VPS35: variants seen among roughly 807,000 people sequenced by gnomAD.
VPS35 encodes the protein vacuolar protein sorting-associated protein 35.
In VPS35, 21 loss-of-function variants were observed where a neutral mutation model predicts 98.1. That is an observed-to-expected ratio of 0.21 (90% CI 0.15 to 0.31). VPS35 has a LOEUF of 0.31. Ranked by LOEUF, VPS35 falls within the 10% of genes least tolerant of loss-of-function variation. VPS35 has a pLI of 1.00. For missense variants in VPS35, 554 were observed against 950.8 expected, an observed-to-expected ratio of 0.58 and a Z score of 5.49; for synonymous variants, 268 against 318.2, an observed-to-expected ratio of 0.84 and a Z score of 1.68.
chr16:46,672,610 G>C (rs1318003337), intron 10 of VPS35, 138 bp from the exon 11 acceptor site: 1 of 695,130 alleles, frequency 1.4e-6, no homozygotes, highest in Non-Finnish European at 2.5e-6. Context: ...CACCACAGAA[G>C]ACTATAACAA....
chr16:46,670,753 T>A (rs936069594), intron 12 of VPS35, among the ~76,000 whole-genome samples: 1 of 152,168 alleles, frequency 6.6e-6, no homozygotes, highest in South Asian at 2.1e-4. Flanking sequence ...CCTGGAATGT[T>A]TGTCACTAAA....
intron 13 of VPS35, among the ~76,000 whole-genome samples, chr16:46,665,628 C>T (rs540060715): frequency 5.3e-5 from 8 of 151,282 alleles, no homozygotes; most frequent in Middle Eastern, 3.5e-3. Flanking sequence ...AGTCATAGAC[C>T]TTGGCACAGT....
intron 16 of VPS35, chr16:46,660,964 T>C: frequency 2.5e-6 from 1 of 400,334 alleles, no homozygotes; most frequent in South Asian, 1.9e-5. Flanking sequence ...CTGGCCAACA[T>C]GGTGGAACCC....
rs984415033 is a variant in VPS35, at chr16:46,661,136, C to T, written c.2212-485G>A. ...CTCCAGCCTGGGTGACAGAGCCAGACTCTGTCAAAAAAAGAAAAACAAGCA... is the reference window on the plus strand; with the variant it reads ...CTCCAGCCTGGGTGACAGAGCCAGATTCTGTCAAAAAAAGAAAAACAAGCA... On this transcript the variant is annotated intron_variant, in intron 16 of 16. Transcript: ENST00000299138. The surrounding 1 kb of genome is among the most constrained non-coding windows in gnomAD (Gnocchi z 4.3). Among the ~76,000 whole-genome samples the T allele has an allele frequency of 1.3e-5, 2 of 152,098 alleles. No individual in the cohort carries two copies. Among genetic ancestry groups the T allele is most frequent in the East Asian group, 1.9e-4 (1 of 5,168 alleles).
chr16:46,684,056 CAG>C (rs779746784), intron 1 of VPS35, among the ~76,000 whole-genome samples: 230 of 152,292 alleles, frequency 1.5e-3, no homozygotes, highest in Non-Finnish European at 2.6e-3. Context: ...CTGCTGCACA[CAG>C]AGTCATGCCT....
intron 13 of VPS35, among the ~76,000 whole-genome samples, chr16:46,664,806 C>T (rs1209903511): frequency 6.6e-6 from 1 of 152,350 alleles, no homozygotes; most frequent in African/African-American, 2.4e-5. Flanking sequence ...CAGGCGTGAG[C>T]CACTGCACCC....
intron 2 of VPS35, 174 bp downstream of exon 2, chr16:46,683,334 G>A: frequency 1.5e-6 from 1 of 659,148 alleles, no homozygotes; most frequent in South Asian, 1.7e-5. Context: ...TGAGTAAACA[G>A]GGCTCTTTGT....
Position 46,658,787 on chromosome 16 carries a change from G to A in VPS35, c.*1685C>T, listed in dbSNP as rs11647138. The A allele has an allele frequency of 3.3e-5, 5 of 152,172 alleles. No homozygotes were observed. The highest frequency in any genetic ancestry group is 7.3e-5 in the Non-Finnish European group (5 of 68,036). The allele number at this position is 152,172 out of a possible 1,614,324, so 9.4% of individuals were successfully genotyped here. ...TTAGTGGTACTAATTTTATAACTTT[G>A]GGAAACATCTGTTCATGTAAAGCCC... On this transcript the variant is annotated 3_prime_UTR_variant, in exon 17 of 17. Transcript: ENST00000299138.
rs573618693 is a variant in VPS35 at position 46,661,844 on chromosome 16, C to T, written c.2085G>A (p.Arg695=). ...KNGEELHGGK[R]VMECLKKALK... is the part of the protein sequence containing the mutation. ...GAGCTTTTTTTAGGCACTCCATTACCCTCTTGCCTCCGTGAAGCTAAAATA... is the reference window on the plus strand; with the variant it reads ...GAGCTTTTTTTAGGCACTCCATTACTCTCTTGCCTCCGTGAAGCTAAAATA... Residue 695 remains arginine, a synonymous_variant, in exon 16 of 17, where the codon AGG becomes AGA. Coordinates refer to ENST00000299138, the MANE Select transcript of VPS35 (RefSeq NM_018206.6). This position sits in a 1 kb window ranked among gnomAD's most constrained non-coding sequence, Gnocchi z 4.3. The T allele has an allele frequency of 1.2e-5, 20 of 1,614,118 alleles. No homozygotes were observed. The South Asian group carries it at 2.1e-4, about 17-fold the overall frequency.
intron 13 of VPS35, among the ~76,000 whole-genome samples, chr16:46,665,440 T>C (rs1965973757): frequency 6.6e-6 from 1 of 151,924 alleles, no homozygotes; most frequent in South Asian, 2.1e-4. Flanking sequence ...CTACAAAAAA[T>C]AAAAAATTAG....
chr16:46,688,051 C>A (rs1438820391), intron 1 of VPS35, among the ~76,000 whole-genome samples: 1 of 152,184 alleles, frequency 6.6e-6, no homozygotes, highest in Non-Finnish European at 1.5e-5. Flanking sequence ...TGTATCAATT[C>A]CCAATTATAA....
In VPS35 at chr16:46,659,941, T is replaced by G. The variant is rs1290942511; in HGVS notation, c.*531A>C. The G allele has an allele frequency of 2.0e-5, 3 of 152,842 alleles. No individual in the cohort carries two copies. Among genetic ancestry groups the G allele is most frequent in the Non-Finnish European group, 4.4e-5 (3 of 68,550 alleles). The allele number at this position is 152,842 out of a possible 1,614,324, so 9.5% of individuals were successfully genotyped here. ...AAATTCTCAAACATGCATTAATATA[T>G]TCTAGTTTTAGGGAAAATCTTACAC... On this transcript the variant is annotated 3_prime_UTR_variant, in exon 17 of 17. Transcript: ENST00000299138.
chr16:46,687,707 G>T (rs1262640918), intron 1 of VPS35, among the ~76,000 whole-genome samples: 1 of 152,208 alleles, frequency 6.6e-6, no homozygotes, highest in African/African-American at 2.4e-5. Context: ...TTGATGAATT[G>T]AAGTGGATTC....
intron 15 of VPS35, 30 bp downstream of exon 15, chr16:46,662,213 C>T (rs776495649): frequency 6.2e-7 from 1 of 1,614,014 alleles, no homozygotes. Flanking sequence ...TGGATCCTGT[C>T]TGCTATCATG....
chr16:46,662,631 G>T, intron 14 of VPS35, 149 bp from the exon 15 acceptor site: 1 of 1,299,024 alleles, frequency 7.7e-7, no homozygotes, highest in Non-Finnish European at 1.1e-6. Context: ...AGAGCCACAG[G>T]ACACAACTGA....
intron 1 of VPS35, 50 bp downstream of exon 1, chr16:46,689,081 G>C (rs765926512): frequency 3.1e-6 from 5 of 1,597,682 alleles, no homozygotes; most frequent in East Asian, 2.3e-5. Flanking sequence ...GGAGAGAGCA[G>C]GGGCTACAAG....
In VPS35 at chr16:46,666,547, C is replaced by T. The variant is rs1293184104; in HGVS notation, c.1647+2383G>A. ...CCTCCCAAAGTGCTGCGATTACAGG[C>T]GTGAGCCCCCACACCTGGCCTTTTT... On this transcript the variant is annotated intron_variant, in intron 13 of 16. Transcript: ENST00000299138. 3.9e-5 allele frequency among the ~76,000 whole-genome samples: 6 copies of T among 152,134 alleles called. No individual in the cohort carries two copies. The East Asian group carries it at 1.2e-3, about 30-fold the overall frequency.
chr16:46,686,899 A>G (rs1461001858), intron 1 of VPS35, among the ~76,000 whole-genome samples: 2 of 152,198 alleles, frequency 1.3e-5, no homozygotes, highest in Non-Finnish European at 2.9e-5. Flanking sequence ...CTACAGTTCT[A>G]ATGTGCAGAG....
At chr16:46,662,100 ACT>A in intron 15 of VPS35, 141 bp downstream of exon 15, 1 of 1,458,040 alleles carries the variant, frequency 6.9e-7, no homozygotes. Context: ...ACAGGATGAG[ACT>A]CTCTTTTTTA....
Sources: allele counts gnomAD v4.1 joint callset (sites outside exome capture counted in the v4.1 genomes callset), GRCh38; gene constraint gnomAD v4.1.1; non-coding constraint Gnocchi (gnomAD v3.1); transcripts MANE v1.5; gene names NCBI Gene and HGNC (gene_info 2026-07-23, HGNC 2026-07-21).